SLC22A24: variants seen among roughly 807,000 people sequenced by gnomAD.
The protein encoded by SLC22A24 is steroid transmembrane transporter SLC22A24.
Under a neutral mutation model 49.8 loss-of-function variants are expected in SLC22A24, and 53 were observed. That is an observed-to-expected ratio of 1.06 (90% CI 0.85 to 1.34). The LOEUF (loss-of-function observed/expected upper bound fraction) is 1.34. Ranked by LOEUF, SLC22A24 falls within the 40% of genes most tolerant of loss-of-function variation. The pLI, the probability that SLC22A24 is intolerant of heterozygous loss-of-function variation, is 0.00. For synonymous variants in SLC22A24, 302 were observed against 256.4 expected (o/e 1.18, Z -1.70); for missense variants, 786 against 675.9 (o/e 1.16, Z -1.81).
intron 4 of SLC22A24, among the ~76,000 whole-genome samples, chr11:63,109,718 C>T (rs1012578466): frequency 2.8e-4 from 42 of 152,134 alleles, no homozygotes; most frequent in East Asian, 1.2e-3. Context: ...TGTAAATTTG[C>T]TTGAGTTCAT....
chr11:63,113,687 C>G (rs555654244), intron 4 of SLC22A24, among the ~76,000 whole-genome samples: 3 of 152,020 alleles, frequency 2.0e-5, no homozygotes, highest in Non-Finnish European at 4.4e-5. Flanking sequence ...AACCCCATCT[C>G]TACTAAAAAT....
At position 63,088,679 on chromosome 11, in the gene SLC22A24, A is replaced by T. The variant is rs145920716; in HGVS notation, c.1071-5222T>A. Among the ~76,000 whole-genome samples, 826 of 152,292 alleles carry T rather than the reference A, an allele frequency of 5.4e-3. 6 individuals carry two copies. The highest frequency in any genetic ancestry group is 7.8e-3 in the Non-Finnish European group (529 of 68,016). On this transcript the variant is annotated intron_variant, in intron 6 of 9. Transcript: ENST00000612278. ...CAAGGCAAGGAAGATAAGAACCTTG[A>T]TAAAAGGTTGCAGGAACTGCTAACT...
chr11:63,104,339 T>C (rs1323737531), intron 4 of SLC22A24, 41 bp from the exon 5 acceptor site: 1 of 1,513,776 alleles, frequency 6.6e-7, no homozygotes, highest in African/African-American at 1.4e-5. Flanking sequence ...AACAATTACT[T>C]ATTTGGCACT....
At chr11:63,140,299 C>A (rs2087406847) in intron 1 of SLC22A24, among the ~76,000 whole-genome samples, 1 of 152,052 alleles carries the variant, frequency 6.6e-6, no homozygotes, top group Non-Finnish European at 1.5e-5. Flanking sequence ...CCAGGATGGT[C>A]TCAATCTCTT....
chr11:63,129,138 G>A (rs2087315276), intron 2 of SLC22A24, among the ~76,000 whole-genome samples: 1 of 152,120 alleles, frequency 6.6e-6, no homozygotes, highest in Non-Finnish European at 1.5e-5. Context: ...AATCCATCTT[G>A]AGTTAATTTT....
At chr11:63,080,842 G>C (rs757440383) in intron 9 of SLC22A24, 78 bp downstream of exon 9, 1 of 1,266,790 alleles carries the variant, frequency 7.9e-7, no homozygotes, top group Non-Finnish European at 1.1e-6. Flanking sequence ...GGCCCCAAAT[G>C]GTCGTTGACC....
chr11:63,123,803 C>CT (rs1203001615), intron 2 of SLC22A24, among the ~76,000 whole-genome samples: 1 of 152,198 alleles, frequency 6.6e-6, no homozygotes, highest in African/African-American at 2.4e-5. Context: ...AAATCCAACT[C>CT]TATCTTACCA....
At chr11:63,120,348 A>G (rs2087242942) in intron 2 of SLC22A24, among the ~76,000 whole-genome samples, 1 of 150,182 alleles carries the variant, frequency 6.7e-6, no homozygotes, top group South Asian at 2.1e-4. Context: ...GATATACCTA[A>G]TGCTAGATGA....
At position 63,121,760 on chromosome 11, in the gene SLC22A24, G is replaced by T. The variant is rs541219991; in HGVS notation, c.507-2425C>A. Among the ~76,000 whole-genome samples, 7 of 151,974 alleles carry T rather than the reference G, an allele frequency of 4.6e-5. No homozygotes were observed. The South Asian group carries it at 1.0e-3, about 23-fold the overall frequency. ...CCATTAACTCATCATTTAGCATTAG[G>T]TATATCTCCTAATGCTATCCCTCCC... On this transcript the variant is annotated intron_variant, in intron 2 of 9. Transcript: ENST00000612278.
intron 4 of SLC22A24, chr11:63,118,672 TATTAAGAAAA>T: frequency 1.8e-6 from 1 of 543,046 alleles, no homozygotes; most frequent in Non-Finnish European, 3.3e-6. Flanking sequence ...GTATTTTTTC[TATTAAGAAAA>T]ATAATTTCAT....
Position 63,143,749 on chromosome 11 carries a change from C to A in SLC22A24, c.31G>T (p.Gly11Cys), listed in dbSNP as rs2087433383. ...CAAATCTGGAATCTCCCCATGCCAC[C>A]CACTTGATCCAGGAGCACATCAAAG... MGFDVLLDQV[G>C]GMGRFQICLI... Residue 11 changes from glycine (G) to cysteine (C), a missense_variant, in exon 1 of 10, where the codon GGT becomes TGT. Gly to Cys is a radical substitution (Grantham distance 159). Transcript: ENST00000612278. The A allele has an allele frequency of 1.4e-6, 2 of 1,465,804 alleles. No individual in the cohort carries two copies. Among genetic ancestry groups the A allele is most frequent in the South Asian group, 3.0e-5 (2 of 67,074 alleles). 90.8% of individuals were successfully genotyped at this position (1,465,804 alleles called of 1,614,324 possible).
At position 63,138,988 on chromosome 11, in the gene SLC22A24, T is replaced by G. The variant is rs566904148; in HGVS notation, c.403-4220A>C. Among the ~76,000 whole-genome samples the G allele has an allele frequency of 3.3e-5, 5 of 152,306 alleles. No individual in the cohort carries two copies. In the South Asian group the frequency reaches 1.0e-3, roughly 32 times the overall value. On this transcript the variant is annotated intron_variant, in intron 1 of 9. Coordinates refer to ENST00000612278, the MANE Select transcript of SLC22A24 (RefSeq NM_001136506.2). ...GGTTACCTTTGGTAAAGTTTAGAAA[T>G]ATTGGCTGCTTGGGTAATAAGAGAT...
Position 63,081,095 on chromosome 11 carries a change from A to C in SLC22A24, c.1423T>G (p.Ser475Ala). The change falls in exon 9 of 10, where the codon TCC becomes GCC. Residue 475 changes from serine to alanine, a missense_variant. Transcript: ENST00000612278. The part of the protein sequence containing the change: ...RSTVAGINAV[S>A]GRTGAALAPL... ...GCCAGTGCTGCCCCAGTCCTACCGG[A>C]CACTGCATTGATTCCTGCAACTGTT... 2 of 1,551,644 alleles carry C rather than the reference A, an allele frequency of 1.3e-6. No homozygotes were observed. Among genetic ancestry groups the C allele is most frequent in the Non-Finnish European group, 1.7e-6 (2 of 1,146,912 alleles).
intron 4 of SLC22A24, among the ~76,000 whole-genome samples, chr11:63,112,272 A>T (rs1381886284): frequency 6.6e-6 from 1 of 152,118 alleles, no homozygotes; most frequent in South Asian, 2.1e-4. Context: ...ACTTCCAACT[A>T]TGTGGTCAAT....
At chr11:63,119,531 T>A (rs2087236996) in intron 2 of SLC22A24, among the ~76,000 whole-genome samples, 196 bp from the exon 3 acceptor site, 2 of 151,866 alleles carry the variant, frequency 1.3e-5, no homozygotes, top group Admixed American at 6.6e-5. Context: ...AGTATGAGAG[T>A]GTTGTCAAAG....
intron 4 of SLC22A24, among the ~76,000 whole-genome samples, chr11:63,117,570 C>T (rs2087220529): frequency 6.6e-6 from 1 of 152,184 alleles, no homozygotes; most frequent in Non-Finnish European, 1.5e-5. Context: ...GCAAGACCAA[C>T]TCCTCCTCTT....
intron 4 of SLC22A24, among the ~76,000 whole-genome samples, chr11:63,115,281 C>T (rs2087203763): frequency 6.6e-6 from 1 of 152,218 alleles, no homozygotes; most frequent in Non-Finnish European, 1.5e-5. Context: ...GCAGACACCC[C>T]TCCCCCCATG....
intron 1 of SLC22A24, 41 bp from the exon 2 acceptor site, chr11:63,134,809 GTTTCAA>G (rs758932353): frequency 1.7e-5 from 24 of 1,384,848 alleles, no homozygotes; most frequent in Non-Finnish European, 2.4e-5. Context: ...CTTGAGAAGA[GTTTCAA>G]CTCTTTAGTA....
chr11:63,085,623 GAAAT>G (rs2086982929), intron 6 of SLC22A24, among the ~76,000 whole-genome samples: 1 of 152,200 alleles, frequency 6.6e-6, no homozygotes. Flanking sequence ...AACAAATAAA[GAAAT>G]AAAAAGCAAA....
Sources: gnomAD v4.1 joint callset for allele counts (sites outside exome capture counted in the v4.1 genomes callset) on GRCh38, gnomAD v4.1.1 for gene constraint, MANE v1.5 for transcripts, NCBI Gene and HGNC (gene_info 2026-07-23, HGNC 2026-07-21) for gene names.